F13A1: variants seen among roughly 807,000 people sequenced by gnomAD.
F13A1 encodes the protein coagulation factor XIII A chain.
F13A1 carries 47 observed loss-of-function variants against 80.1 expected under a neutral mutation model. The observed-to-expected ratio is 0.59, with a 90% CI of 0.46 to 0.75. F13A1 has a LOEUF of 0.75. Ranked by LOEUF, F13A1 falls within the 30% of genes least tolerant of loss-of-function variation. The pLI, the probability that F13A1 is intolerant of heterozygous loss-of-function variation, is 0.00. For synonymous variants in F13A1, 349 were observed against 344.9 expected, an observed-to-expected ratio of 1.01 and a Z score of -0.13; for missense variants, 817 against 930.4, an observed-to-expected ratio of 0.88 and a Z score of 1.59.
At chr6:6,203,665 A>G (rs1761438069) in intron 8 of F13A1, among the ~76,000 whole-genome samples, 1 of 152,244 alleles carries the variant, frequency 6.6e-6, no homozygotes, top group South Asian at 2.1e-4. Flanking sequence ...CCCTGAGCAG[A>G]GAGACCCAGT....
intron 8 of F13A1, among the ~76,000 whole-genome samples, chr6:6,210,225 C>T (rs1416481226): frequency 6.8e-6 from 1 of 147,834 alleles, no homozygotes; most frequent in African/African-American, 2.5e-5. Flanking sequence ...CAACCTGTCT[C>T]AAAATAATAA....
intron 3 of F13A1, among the ~76,000 whole-genome samples, chr6:6,279,699 C>A (rs538150206): frequency 1.3e-5 from 2 of 152,288 alleles, no homozygotes; most frequent in South Asian, 2.1e-4. Flanking sequence ...GTCTATGGAG[C>A]CAAAGCACCA....
chr6:6,182,147 AACAGGAGAGGAG>A lies in F13A1; in HGVS notation c.1306-18_1306-7del, dbSNP rs1442033828. Reference sequence around the variant, plus strand: ...TAAATGAGGTCGCTGTTGACCTGGAAACAGGAGAGGAGAGCATTAGCCATCATCACATGTCTG... The same window carrying A: ...TAAATGAGGTCGCTGTTGACCTGGAAAGCATTAGCCATCATCACATGTCTG... On this transcript the variant is annotated splice_region_variant and splice_polypyrimidine_tract_variant and intron_variant, in intron 10 of 14. Transcript: ENST00000264870. The A allele has an allele frequency of 6.2e-7, 1 of 1,613,906 alleles. No individual in the cohort carries two copies. The highest frequency in any genetic ancestry group is 2.2e-5 in the East Asian group (1 of 44,880).
At chr6:6,227,480 G>A (rs1325230703) in intron 6 of F13A1, among the ~76,000 whole-genome samples, 1 of 152,186 alleles carries the variant, frequency 6.6e-6, no homozygotes, top group African/African-American at 2.4e-5. Context: ...GCAGGCTTTA[G>A]CCAAACATTA....
intron 6 of F13A1, 108 bp downstream of exon 6, chr6:6,248,204 A>G: frequency 1.1e-6 from 1 of 917,214 alleles, no homozygotes; most frequent in Non-Finnish European, 1.8e-6. Flanking sequence ...TACAAATGAA[A>G]GTTTATTAAG....
chr6:6,168,068 C>T (rs1473276698), intron 12 of F13A1, among the ~76,000 whole-genome samples: 3 of 152,236 alleles, frequency 2.0e-5, no homozygotes, highest in Non-Finnish European at 4.4e-5. Context: ...ATGGGCCACA[C>T]TCAGACTAAA....
Position 6,182,091 on chromosome 6 carries a change from C to T in F13A1, c.1356G>A (p.Val452=). ...TGTGGGTGGCATCCACATTTTCCAC[C>T]ACATGAGTGCCATCTTTCTTAGCTG... ...YITAKKDGTH[V]VENVDATHIG... Residue 452 remains valine, a synonymous_variant, in exon 11 of 15, where the codon GTG becomes GTA. Coordinates refer to ENST00000264870, the MANE Select transcript of F13A1 (RefSeq NM_000129.4). 1.2e-6 allele frequency: 2 copies of T among 1,614,160 alleles called. No individual in the cohort carries two copies. Among genetic ancestry groups the T allele is most frequent in the Non-Finnish European group, 1.7e-6 (2 of 1,180,006 alleles).
chr6:6,191,282 C>T (rs1420226821), intron 10 of F13A1, among the ~76,000 whole-genome samples: 2 of 152,178 alleles, frequency 1.3e-5, no homozygotes, highest in Non-Finnish European at 2.9e-5. Flanking sequence ...AGCCTACCTT[C>T]CTTGTCGGGC....
At chr6:6,317,891 G>A (rs1384224768) in intron 2 of F13A1, among the ~76,000 whole-genome samples, 2 of 152,196 alleles carry the variant, frequency 1.3e-5, no homozygotes, top group African/African-American at 4.8e-5. Context: ...GCTGGCACCT[G>A]GACCTTGTCA....
At position 6,162,414 on chromosome 6, in the gene F13A1, C is replaced by G. The variant is rs1218735374; in HGVS notation, c.1908+5044G>C. ...TATCTGTTCATTGGAGACCATTCAT[C>G]TTTCTACAGTCTTAATTCTTGATGT... On this transcript the variant is annotated intron_variant, in intron 13 of 14. Transcript: ENST00000264870. The surrounding 1 kb of genome is among the most constrained non-coding windows in gnomAD (Gnocchi z 4.2). 6.6e-6 allele frequency among the ~76,000 whole-genome samples: 1 copy of G among 152,214 alleles called. No individual in the cohort carries two copies. Among genetic ancestry groups the G allele is most frequent in the Non-Finnish European group, 1.5e-5 (1 of 68,042 alleles).
At chr6:6,305,237 G>T (rs891852220) in intron 3 of F13A1, 114 bp downstream of exon 3, 4 of 1,184,416 alleles carry the variant, frequency 3.4e-6, no homozygotes, top group Admixed American at 1.8e-5. Context: ...TGTCATTCCA[G>T]CTCCTGCCAC....
At chr6:6,315,464 G>GGTGT (rs1758666044) in intron 2 of F13A1, among the ~76,000 whole-genome samples, 1 of 151,996 alleles carries the variant, frequency 6.6e-6, no homozygotes, top group African/African-American at 2.4e-5. Context: ...TGAATATCAT[G>GGTGT]GTGTGTATGA....
At chr6:6,175,562 T>A (rs1317126614) in intron 11 of F13A1, among the ~76,000 whole-genome samples, 1 of 152,202 alleles carries the variant, frequency 6.6e-6, no homozygotes, top group Admixed American at 6.5e-5. Context: ...TCCGGTCAGA[T>A]CCCTTGGAGA....
Position 6,240,198 on chromosome 6 carries a change from T to G in F13A1, c.798+8114A>C, listed in dbSNP as rs144438121. Among the ~76,000 whole-genome samples, 271 of 152,274 alleles carry G rather than the reference T, an allele frequency of 1.8e-3. 1 individual carries two copies. Among genetic ancestry groups the G allele is most frequent in the East Asian group, 0.013 (66 of 5,186 alleles). ...GCCCATGATTATCACATTCGAGAGA[T>G]GCCTTGTAATAAATGTCTGTTTTTC... On this transcript the variant is annotated intron_variant, in intron 6 of 14. Coordinates refer to ENST00000264870, the MANE Select transcript of F13A1 (RefSeq NM_000129.4).
chr6:6,207,014 C>A (rs1761501407), intron 8 of F13A1, among the ~76,000 whole-genome samples: 1 of 151,958 alleles, frequency 6.6e-6, no homozygotes, highest in Middle Eastern at 3.4e-3. Context: ...AGAACACTTG[C>A]AAATATGATC....
intron 10 of F13A1, among the ~76,000 whole-genome samples, chr6:6,182,851 C>T (rs1323504187): frequency 2.0e-5 from 3 of 152,176 alleles, no homozygotes; most frequent in Non-Finnish European, 4.4e-5. Flanking sequence ...GTTTCAGCCA[C>T]ATTAGTTCTG....
chr6:6,315,826 C>T (rs1466417626), intron 2 of F13A1, among the ~76,000 whole-genome samples: 1 of 151,566 alleles, frequency 6.6e-6, no homozygotes, highest in Non-Finnish European at 1.5e-5. Flanking sequence ...TTGGTAACCG[C>T]GGATACAAGG....
intron 2 of F13A1, among the ~76,000 whole-genome samples, chr6:6,312,067 G>A (rs974733157): frequency 6.0e-5 from 9 of 148,928 alleles, no homozygotes; most frequent in Admixed American, 2.0e-4. Context: ...AAAGTTATAC[G>A]TATAAAACAA....
At chr6:6,210,250 T>A (rs1260454207) in intron 8 of F13A1, among the ~76,000 whole-genome samples, 2 of 144,418 alleles carry the variant, frequency 1.4e-5, no homozygotes, top group African/African-American at 5.1e-5. Context: ...AATACATAAA[T>A]AAAAATATAC....
Sources: gnomAD v4.1 joint callset for allele counts (sites outside exome capture counted in the v4.1 genomes callset) on GRCh38, gnomAD v4.1.1 for gene constraint, Gnocchi (gnomAD v3.1) non-coding constraint, MANE v1.5 for transcripts, NCBI Gene and HGNC (gene_info 2026-07-23, HGNC 2026-07-21) for gene names.